PPIG: variants seen among roughly 807,000 people sequenced by gnomAD.
The protein encoded by PPIG is peptidyl-prolyl cis-trans isomerase G.
In PPIG, 26 loss-of-function variants were observed where a neutral mutation model predicts 87.9. The ratio of observed to expected loss-of-function variants is 0.30; its 90% CI spans 0.22 to 0.41. The LOEUF (loss-of-function observed/expected upper bound fraction) is 0.41, where lower values mean the gene tolerates loss of function less well. Among genes scored for constraint, PPIG ranks in the 10% least tolerant of loss-of-function variants. The probability of loss-of-function intolerance (pLI) is 1.00; values close to 1 mark genes in which losing one functional copy is unlikely to be tolerated. For missense variants in PPIG, 722 were observed against 879.4 expected (o/e 0.82, Z 2.26); for synonymous variants, 308 against 276.5 (o/e 1.11, Z -1.13).
Position 169,636,822 on chromosome 2 carries a change from C to A in PPIG, c.1564C>A (p.Gln522Lys). 1 of 1,613,428 alleles carries A rather than the reference C, an allele frequency of 6.2e-7. No individual in the cohort carries two copies. Residue 522 changes from glutamine to lysine, a missense_variant, in exon 14 of 14, where the codon CAG becomes AAG. Coordinates refer to ENST00000260970, the MANE Select transcript of PPIG (RefSeq NM_004792.3). ...GAGTAGAAGTAAAGAGAAGTCTAAA[C>A]AGTTAGAATCAAAGAGTAATGAGCA... The part of the protein sequence containing the change: ...ERSRSKEKSK[Q>K]LESKSNEHDH...
chr2:169,613,638 TG>T (rs1685545676), intron 7 of PPIG, among the ~76,000 whole-genome samples: 4 of 152,178 alleles, frequency 2.6e-5, no homozygotes, highest in Non-Finnish European at 5.9e-5. Flanking sequence ...TTAAAAAACT[TG>T]TAAACTCTCA....
intron 1 of PPIG, among the ~76,000 whole-genome samples, chr2:169,586,322 C>A (rs1487017511): frequency 2.0e-5 from 3 of 152,114 alleles, no homozygotes; most frequent in African/African-American, 7.2e-5. Context: ...ATGTAAACTT[C>A]TTAGGTTAGA....
chr2:169,586,920 C>A (rs1559171725), intron 1 of PPIG, among the ~76,000 whole-genome samples: 1 of 152,062 alleles, frequency 6.6e-6, no homozygotes, highest in Non-Finnish European at 1.5e-5. Context: ...TGTGGCATTG[C>A]ATGCTTTTTG....
chr2:169,593,648 A>ATC (rs1405192942), intron 1 of PPIG, among the ~76,000 whole-genome samples: 242 of 113,620 alleles, frequency 2.1e-3, no homozygotes, highest in African/African-American at 7.1e-3. Context: ...GCTGCTTTAT[A>ATC]TCTTTTTTTT....
chr2:169,633,462 A>G (rs894967967), intron 12 of PPIG: 7 of 564,548 alleles, frequency 1.2e-5, no homozygotes, highest in African/African-American at 5.9e-5. Flanking sequence ...TTACATTTAC[A>G]TGGTATAAAA....
At chr2:169,604,307 A>AGGGC in intron 4 of PPIG, 46 bp downstream of exon 4, 1 of 789,688 alleles carries the variant, frequency 1.3e-6, no homozygotes, top group East Asian at 2.9e-5. Flanking sequence ...TCAGTTGACT[A>AGGGC]TGGCTTGCTT....
At chr2:169,629,424 T>C (rs1685979660) in intron 9 of PPIG, among the ~76,000 whole-genome samples, 1 of 152,260 alleles carries the variant, frequency 6.6e-6, no homozygotes, top group African/African-American at 2.4e-5. Flanking sequence ...TGTTAATTAA[T>C]TTTTTGCTGT....
At position 169,637,261 on chromosome 2, in the gene PPIG, G is replaced by T; in HGVS notation, c.2003G>T (p.Ser668Ile). Reference sequence around the variant, plus strand: ...AGTGAGAAAAGAATGTACTCTAAAAGTCGTGATCATAATAGCTCAAATAAC... The same window carrying T: ...AGTGAGAAAAGAATGTACTCTAAAATTCGTGATCATAATAGCTCAAATAAC... ...SESEKRMYSK[S>I]RDHNSSNNSR... is the part of the protein sequence containing the mutation. Residue 668 changes from serine to isoleucine, a missense_variant, in exon 14 of 14, where the codon AGT becomes ATT. Transcript: ENST00000260970. The T allele has an allele frequency of 6.2e-7, 1 of 1,612,802 alleles. No homozygotes were observed. Among genetic ancestry groups the T allele is most frequent in the Non-Finnish European group, 8.5e-7 (1 of 1,179,714 alleles).
chr2:169,585,462 C>A (rs1221308802), intron 1 of PPIG, among the ~76,000 whole-genome samples: 2 of 151,808 alleles, frequency 1.3e-5, no homozygotes, highest in Admixed American at 6.6e-5. Flanking sequence ...GGGTTTTCAC[C>A]GTGTTAGCCA....
At chr2:169,631,326 T>TA (rs1270527841) in intron 10 of PPIG, 1 of 294,904 alleles carries the variant, frequency 3.4e-6, no homozygotes, top group Non-Finnish European at 6.2e-6. Flanking sequence ...CCTTTGCTCT[T>TA]ACGATAGCAT....
intron 9 of PPIG, among the ~76,000 whole-genome samples, chr2:169,615,602 A>G (rs2105501413): frequency 6.6e-6 from 1 of 152,346 alleles, no homozygotes; most frequent in South Asian, 2.1e-4. Flanking sequence ...TTCATATAAC[A>G]TAACTTCCTC....
At chr2:169,591,112 A>C (rs1218305545) in intron 1 of PPIG, among the ~76,000 whole-genome samples, 1 of 152,254 alleles carries the variant, frequency 6.6e-6, no homozygotes, top group African/African-American at 2.4e-5. Flanking sequence ...AAAATATAAT[A>C]AAGTTACCAT....
At chr2:169,626,244 A>G (rs915134241) in intron 9 of PPIG, among the ~76,000 whole-genome samples, 5 of 152,184 alleles carry the variant, frequency 3.3e-5, no homozygotes, top group Admixed American at 3.3e-4. Flanking sequence ...CAATATTGAT[A>G]TTGTGATATC....
intron 1 of PPIG, among the ~76,000 whole-genome samples, chr2:169,585,279 T>TTTTTTTTTTTTTA (rs71006004): frequency 1.8e-4 from 27 of 149,468 alleles, no homozygotes; most frequent in South Asian, 2.1e-4. Context: ...TCTTTTTTTT[T>TTTTTTTTTTTTTA]GAGACGGAGT....
chr2:169,605,585 G>C (rs1007097947), intron 4 of PPIG, among the ~76,000 whole-genome samples: 2 of 151,450 alleles, frequency 1.3e-5, no homozygotes, highest in Non-Finnish European at 2.9e-5. Context: ...TGGATCACTT[G>C]AGGTCAGGAA....
rs1313899719 is a variant in PPIG, at chr2:169,596,706, A to AT, written c.-69-6927dup. 5.4e-4 allele frequency among the ~76,000 whole-genome samples: 82 copies of AT among 150,836 alleles called. No individual in the cohort carries two copies. The Middle Eastern group carries it at 0.017, about 32-fold the overall frequency. On this transcript the variant is annotated intron_variant, in intron 1 of 13. Coordinates refer to ENST00000260970, the MANE Select transcript of PPIG (RefSeq NM_004792.3). The stretch of plus-strand genomic sequence containing the variant: ...CCAGCACTAATATCTCTCCTGGTCC[A>AT]TTTTTTTTTCTGAGACGGAGTCTTA...
intron 7 of PPIG, among the ~76,000 whole-genome samples, chr2:169,613,383 G>T (rs965694524): frequency 1.3e-5 from 2 of 151,938 alleles, no homozygotes; most frequent in South Asian, 4.1e-4. Flanking sequence ...CATAAATTAT[G>T]CTCCTTTTTT....
At chr2:169,633,935 G>C (rs1484365291) in intron 12 of PPIG, among the ~76,000 whole-genome samples, 1 of 150,646 alleles carries the variant, frequency 6.6e-6, no homozygotes, top group East Asian at 2.0e-4. Flanking sequence ...GGTTCAAGCA[G>C]TCCTGCCTCA....
intron 1 of PPIG, among the ~76,000 whole-genome samples, chr2:169,586,085 A>G (rs896386256): frequency 6.6e-6 from 1 of 152,196 alleles, no homozygotes; most frequent in South Asian, 2.1e-4. Flanking sequence ...TATGTTAACG[A>G]GTTGGGACAG....
Sources: gnomAD v4.1 joint callset for allele counts (sites outside exome capture counted in the v4.1 genomes callset) on GRCh38, gnomAD v4.1.1 for gene constraint, MANE v1.5 for transcripts, NCBI Gene and HGNC (gene_info 2026-07-23, HGNC 2026-07-21) for gene names.